ELMOD3: variants seen among roughly 807,000 people sequenced by gnomAD.
ELMOD3 encodes ELMO domain-containing protein 3.
Under a neutral mutation model 47.4 loss-of-function variants are expected in ELMOD3, and 36 were observed. The ratio of observed to expected loss-of-function variants is 0.76; its 90% CI spans 0.58 to 1.00. The LOEUF (loss-of-function observed/expected upper bound fraction) is 1.00. ELMOD3 is among the 50% of genes least tolerant of loss of function. ELMOD3 has a pLI of 0.00. For missense variants in ELMOD3, 404 were observed against 463.8 expected, an observed-to-expected ratio of 0.87 and a Z score of 1.18; for synonymous variants, 149 against 183.5, an observed-to-expected ratio of 0.81 and a Z score of 1.52.
Position 85,371,128 on chromosome 2 carries a change from C to A in ELMOD3, c.403C>A (p.Leu135Ile), listed in dbSNP as rs763308374. ...TATTCGAAGGACTGGGCTCGCCGCC[C>A]TCCGACACTACCTCTTCGGGCCTCC... ...PTIRRTGLAALRHYLFGPPKL... is the reference protein window; with the variant it reads ...PTIRRTGLAAIRHYLFGPPKL... The change falls in exon 9 of 14, where the codon CTC (leucine) becomes ATC (isoleucine). Residue 135 changes from leucine (L) to isoleucine (I), a missense_variant. Coordinates refer to ENST00000409013, the MANE Select transcript of ELMOD3 (RefSeq NM_001135022.2). 3.1e-6 allele frequency: 5 copies of A among 1,614,236 alleles called. No individual in the cohort carries two copies. The South Asian group carries it at 3.3e-5, about 11-fold the overall frequency.
At chr2:85,367,189 G>A (rs1290229946) in intron 6 of ELMOD3, among the ~76,000 whole-genome samples, 4 of 152,184 alleles carry the variant, frequency 2.6e-5, no homozygotes, top group African/African-American at 9.7e-5. Context: ...AGCTCACTGT[G>A]GAGTAGGAGA....
At chr2:85,377,035 A>C (rs1685206102) in intron 10 of ELMOD3, 2 of 190,630 alleles carry the variant, frequency 1.0e-5, no homozygotes, top group African/African-American at 4.7e-5. Flanking sequence ...CTTGTTCCAG[A>C]ACTGTAAATT....
chr2:85,359,702 T>C (rs1683814428), intron 4 of ELMOD3, among the ~76,000 whole-genome samples: 1 of 152,172 alleles, frequency 6.6e-6, no homozygotes, highest in Non-Finnish European at 1.5e-5. Context: ...AGTGCTGAGA[T>C]TACAGGTGTG....
In ELMOD3 at chr2:85,356,880, C is replaced by CA. The variant is rs759699457; in HGVS notation, c.-232-72dup. 0.017 allele frequency: 2,404 copies of CA among 139,756 alleles called. 7 individuals carry two copies. Among genetic ancestry groups the CA allele is most frequent in the Middle Eastern group, 0.032 (10 of 310 alleles). The allele number at this position is 139,756 out of a possible 1,614,324, so 8.7% of individuals were successfully genotyped here. ...TGGGCAACAGGGCAAGACTCCAACTCAAAAAAAAAAAAAAATTGTCAACAG... is the reference window on the plus strand; with the variant it reads ...TGGGCAACAGGGCAAGACTCCAACTCAAAAAAAAAAAAAAAATTGTCAACAG... On this transcript the variant is annotated intron_variant, in intron 3 of 13. Coordinates refer to ENST00000409013, the MANE Select transcript of ELMOD3 (RefSeq NM_001135022.2).
intron 4 of ELMOD3, among the ~76,000 whole-genome samples, chr2:85,359,833 C>T (rs979001236): frequency 6.6e-6 from 1 of 152,048 alleles, no homozygotes; most frequent in Middle Eastern, 3.2e-3. Context: ...CAGGATGGCT[C>T]GTGTCTGTAA....
chr2:85,379,890 T>C (rs911118108), intron 11 of ELMOD3, among the ~76,000 whole-genome samples: 1 of 152,186 alleles, frequency 6.6e-6, no homozygotes, highest in African/African-American at 2.4e-5. Flanking sequence ...GAATTTCCTC[T>C]CCTCTTGAGG....
chr2:85,359,182 T>G (rs1001732969), intron 4 of ELMOD3, among the ~76,000 whole-genome samples: 1 of 152,184 alleles, frequency 6.6e-6, no homozygotes, highest in African/African-American at 2.4e-5. Context: ...TGTAAACATG[T>G]CGGTTTTGCA....
chr2:85,389,753 A>G lies in ELMOD3; in HGVS notation c.741A>G (p.Gln247=). The G allele has an allele frequency of 1.2e-6, 2 of 1,614,040 alleles. No individual in the cohort carries two copies. Among genetic ancestry groups the G allele is most frequent in the Non-Finnish European group, 1.7e-6 (2 of 1,179,964 alleles). ...IFRLSRHHIQ[Q]FPFCLMSVNI... ...GACTGGGTGCCCCTCCATTCCAGCAATTCCCTTTCTGTTTGATGTCCGTGA... is the reference window on the plus strand; with the variant it reads ...GACTGGGTGCCCCTCCATTCCAGCAGTTCCCTTTCTGTTTGATGTCCGTGA... Residue 247 remains glutamine, a splice_region_variant and synonymous_variant, in exon 12 of 14, where the codon CAA becomes CAG. Transcript: ENST00000409013.
chr2:85,389,344 G>A (rs569009584), intron 11 of ELMOD3, among the ~76,000 whole-genome samples: 5 of 152,072 alleles, frequency 3.3e-5, no homozygotes, highest in Admixed American at 1.3e-4. Flanking sequence ...TTAAGAACCC[G>A]TAGGGCTAGT....
chr2:85,364,825 A>ATTTTTTTTTT (rs869054374), intron 6 of ELMOD3, among the ~76,000 whole-genome samples: 12 of 69,894 alleles, frequency 1.7e-4, no homozygotes, highest in African/African-American at 3.3e-4. Context: ...ATATATATAT[A>ATTTTTTTTTT]TTTTTTTTTT....
intron 11 of ELMOD3, among the ~76,000 whole-genome samples, chr2:85,388,734 G>A (rs887061703): frequency 6.6e-6 from 1 of 152,250 alleles, no homozygotes; most frequent in African/African-American, 2.4e-5. Flanking sequence ...CACTGGAAAT[G>A]TGGCTAGTAC....
At chr2:85,390,650 A>C in intron 13 of ELMOD3, 110 bp from the exon 14 acceptor site, 1 of 1,486,568 alleles carries the variant, frequency 6.7e-7, no homozygotes, top group South Asian at 1.4e-5. Context: ...CTTTCTCTCC[A>C]TGGGATAGGG....
intron 11 of ELMOD3, among the ~76,000 whole-genome samples, chr2:85,386,381 C>CTTT (rs570387148): frequency 2.2e-4 from 14 of 62,436 alleles, no homozygotes; most frequent in East Asian, 5.7e-4. Context: ...GATACGTAGG[C>CTTT]TTTTTTTTTT....
chr2:85,386,403 T>C (rs1685922483), intron 11 of ELMOD3, among the ~76,000 whole-genome samples: 1 of 137,170 alleles, frequency 7.3e-6, no homozygotes, highest in Admixed American at 7.2e-5. Flanking sequence ...TTTTTTTTTT[T>C]TGAGATGGAG....
At chr2:85,377,290 C>G (rs1685223981) in intron 10 of ELMOD3, 54 bp from the exon 11 acceptor site, 3 of 1,508,224 alleles carry the variant, frequency 2.0e-6, no homozygotes, top group Non-Finnish European at 2.7e-6. Context: ...CCATGGCAAG[C>G]CCTTGAAGCA....
intron 8 of ELMOD3, among the ~76,000 whole-genome samples, chr2:85,370,419 T>C (rs1489471038): frequency 8.2e-6 from 1 of 121,362 alleles, no homozygotes; most frequent in Admixed American, 8.5e-5. Flanking sequence ...CCTGTCTCCG[T>C]AAAAAAAAAA....
In ELMOD3 at chr2:85,362,229, A is replaced by G. The variant is rs1222347572; in HGVS notation, c.98A>G (p.Asp33Gly). ...GGATATTCTCCATCATATGACAAGG[A>G]CAAGAGTGTTCTGGCTTTCAGAGGA... ...SAGYSPSYDKDKSVLAFRGIP... is the reference protein window; with the variant it reads ...SAGYSPSYDKGKSVLAFRGIP... The change falls in exon 5 of 14, where the codon GAC (aspartate) becomes GGC (glycine). Residue 33 changes from aspartate (D) to glycine (G), a missense_variant. By Grantham distance (94) the Asp-to-Gly change is moderately conservative (BLOSUM62 -1). Transcript: ENST00000409013. 4 of 1,607,578 alleles carry G rather than the reference A, an allele frequency of 2.5e-6. No homozygotes were observed. The highest frequency in any genetic ancestry group is 3.4e-6 in the Non-Finnish European group (4 of 1,174,126).
At chr2:85,384,999 A>C (rs964136906) in intron 11 of ELMOD3, among the ~76,000 whole-genome samples, 15 of 152,220 alleles carry the variant, frequency 9.9e-5, no homozygotes, top group Non-Finnish European at 1.3e-4. Context: ...ATAAGTACTA[A>C]GGAAAAATAA....
intron 10 of ELMOD3, among the ~76,000 whole-genome samples, chr2:85,374,620 G>A (rs1685037385): frequency 6.6e-6 from 1 of 151,968 alleles, no homozygotes; most frequent in African/African-American, 2.4e-5. Context: ...GGGATTACAG[G>A]CATAAGCCAC....
Sources: allele counts gnomAD v4.1 joint callset (sites outside exome capture counted in the v4.1 genomes callset), GRCh38; gene constraint gnomAD v4.1.1; transcripts MANE v1.5; gene names NCBI Gene and HGNC (gene_info 2026-07-23, HGNC 2026-07-21).